Variants in TTLL7 observed in about 807,000 individuals in gnomAD.
The protein encoded by TTLL7 is tubulin polyglutamylase TTLL7.
In TTLL7, 53 loss-of-function variants were observed where a neutral mutation model predicts 120.2. The ratio of observed to expected loss-of-function variants is 0.44; its 90% confidence interval spans 0.35 to 0.55. TTLL7 has a LOEUF of 0.55. Ranked by LOEUF, TTLL7 falls within the 20% of genes least tolerant of loss-of-function variation. The pLI is 0.00. For missense variants in TTLL7, 803 were observed against 1,054.7 expected, an observed-to-expected ratio of 0.76 and a Z score of 3.31; for synonymous variants, 353 against 351.7, an observed-to-expected ratio of 1.00 and a Z score of -0.04.
intron 1 of TTLL7, among the ~76,000 whole-genome samples, chr1:83,961,697 C>A (rs1003930850): frequency 6.6e-6 from 1 of 152,058 alleles, no homozygotes; most frequent in Non-Finnish European, 1.5e-5. Context: ...ATTCATCAAG[C>A]ACTTAAGTAG....
intron 3 of TTLL7, among the ~76,000 whole-genome samples, chr1:83,950,313 A>G (rs1432607879): frequency 6.6e-6 from 1 of 152,192 alleles, no homozygotes; most frequent in Non-Finnish European, 1.5e-5. Flanking sequence ...TACTCAGGAA[A>G]ATGTACTTTT....
intron 13 of TTLL7, among the ~76,000 whole-genome samples, chr1:83,918,559 T>C (rs905002335): frequency 6.6e-6 from 1 of 152,164 alleles, no homozygotes; most frequent in African/African-American, 2.4e-5. Context: ...AATACTCTTA[T>C]TATACATTTT....
intron 13 of TTLL7, among the ~76,000 whole-genome samples, chr1:83,917,892 A>G (rs1353424105): frequency 6.6e-6 from 1 of 152,182 alleles, no homozygotes; most frequent in African/African-American, 2.4e-5. Context: ...TAATTAATAC[A>G]TAGCCAAAAT....
chr1:83,962,781 C>T (rs1650122451), intron 1 of TTLL7, among the ~76,000 whole-genome samples: 1 of 152,094 alleles, frequency 6.6e-6, no homozygotes, highest in Non-Finnish European at 1.5e-5. Context: ...TTCCTTCCAA[C>T]CTGGAATGCA....
Position 83,878,310 on chromosome 1 carries a change from T to C in TTLL7, c.2543+4653A>G, listed in dbSNP as rs531671103. Among the ~76,000 whole-genome samples, 20 of 152,122 alleles carry C rather than the reference T, an allele frequency of 1.3e-4. No homozygotes were observed. In the South Asian group the frequency reaches 3.3e-3, roughly 25 times the overall value. Reference sequence around the variant, plus strand: ...TACTTCTATATATGACAGTTAAGTCTGTTAATTTTGTTGTTAAAAAATTTA... The same window carrying C: ...TACTTCTATATATGACAGTTAAGTCCGTTAATTTTGTTGTTAAAAAATTTA... On this transcript the variant is annotated intron_variant, in intron 20 of 20. Transcript: ENST00000260505.
At chr1:83,990,311 G>A (rs1483931996) in intron 1 of TTLL7, among the ~76,000 whole-genome samples, 1 of 151,992 alleles carries the variant, frequency 6.6e-6, no homozygotes, top group East Asian at 1.9e-4. Flanking sequence ...GAGTAGCTGG[G>A]ACTACAGGCG....
Position 83,929,198 on chromosome 1 carries a change from C to T in TTLL7, c.1080G>A (p.Gln360=), listed in dbSNP as rs1389606570. The change falls in exon 10 of 21, where the codon CAG becomes CAA. Residue 360 remains glutamine, a synonymous_variant. Transcript: ENST00000260505. The part of the protein sequence containing the change: ...INRAPSFGTD[Q]KIDYDVKRGV... ...CCCTTTTTACATCATAGTCTATTTT[C>T]TGATCAGTTCCAAAGCTTGGGGCTC... 1 of 1,612,050 alleles carries T rather than the reference C, an allele frequency of 6.2e-7. No individual in the cohort carries two copies. Among genetic ancestry groups the T allele is most frequent in the South Asian group, 1.1e-5 (1 of 90,916 alleles).
intron 1 of TTLL7, among the ~76,000 whole-genome samples, chr1:83,998,348 G>C (rs1012459505): frequency 1.3e-5 from 2 of 152,116 alleles, no homozygotes; most frequent in Non-Finnish European, 2.9e-5. Context: ...AACCCACCCA[G>C]AATACAAGGC....
In TTLL7 at chr1:83,907,489, G is replaced by T. The variant is rs1451662230; in HGVS notation, c.1959C>A (p.His653Gln). 4 of 1,612,856 alleles carry T rather than the reference G, an allele frequency of 2.5e-6. No homozygotes were observed. Among genetic ancestry groups the T allele is most frequent in the Admixed American group, 3.3e-5 (2 of 59,886 alleles). The change falls in exon 16 of 21, where the codon CAC becomes CAA. Residue 653 changes from histidine (H) to glutamine (Q), a missense_variant. Physicochemically the swap from His to Gln is conservative, Grantham distance 24. Around this residue, in one of 3 missense-constraint regions of TTLL7, gnomAD observed 388 missense variants for 450.4 expected, o/e 0.86. Coordinates refer to ENST00000260505, the MANE Select transcript of TTLL7 (RefSeq NM_024686.6). ...AGTTGGTAGAGCAGGCATCATTACTGTGAGGCAGATGCCTCATGTAGGAGG... is the reference window on the plus strand; with the variant it reads ...AGTTGGTAGAGCAGGCATCATTACTTTGAGGCAGATGCCTCATGTAGGAGG... ...RASSYMRHLP[H>Q]SNDACSTNSQ...
intron 1 of TTLL7, among the ~76,000 whole-genome samples, chr1:83,956,415 G>A (rs554738991): frequency 1.7e-3 from 245 of 147,158 alleles, no homozygotes; most frequent in African/African-American, 5.6e-3. Flanking sequence ...ATGAGCTACT[G>A]CACCTAGCCC....
chr1:83,892,530 AT>A (rs1655697291), intron 18 of TTLL7, among the ~76,000 whole-genome samples: 1 of 145,608 alleles, frequency 6.9e-6, no homozygotes, highest in African/African-American at 2.5e-5. Flanking sequence ...GAACATATAT[AT>A]GAACATATGA....
chr1:83,924,574 G>A (rs1054957979), intron 10 of TTLL7, among the ~76,000 whole-genome samples: 2 of 152,112 alleles, frequency 1.3e-5, no homozygotes. Flanking sequence ...GGGAGAGGGA[G>A]GAATGAGGAA....
chr1:83,958,859 G>T (rs1649768123), intron 1 of TTLL7, among the ~76,000 whole-genome samples: 1 of 152,144 alleles, frequency 6.6e-6, no homozygotes, highest in Non-Finnish European at 1.5e-5. Flanking sequence ...GACTCATTAG[G>T]TCTGAGGTAG....
chr1:83,938,906 T>C (rs1647669837), intron 7 of TTLL7, among the ~76,000 whole-genome samples: 1 of 152,212 alleles, frequency 6.6e-6, no homozygotes, highest in Non-Finnish European at 1.5e-5. Context: ...GATTTGTTAA[T>C]AGCCAACTAT....
At chr1:83,899,108 T>C (rs1254811248) in intron 18 of TTLL7, among the ~76,000 whole-genome samples, 1 of 151,916 alleles carries the variant, frequency 6.6e-6, no homozygotes, top group African/African-American at 2.4e-5. Context: ...AGTAAAGTTT[T>C]AATATAAAGC....
chr1:83,903,405 CCT>C (rs1656897566), intron 18 of TTLL7, among the ~76,000 whole-genome samples: 1 of 151,834 alleles, frequency 6.6e-6, no homozygotes, highest in African/African-American at 2.4e-5. Context: ...TACTACCTTC[CCT>C]CTATTTTTTT....
At chr1:83,919,406 T>C (rs1658458133) in intron 13 of TTLL7, among the ~76,000 whole-genome samples, 1 of 152,080 alleles carries the variant, frequency 6.6e-6, no homozygotes. Context: ...GTTAATTCCA[T>C]GGGTTTCTTT....
intron 18 of TTLL7, among the ~76,000 whole-genome samples, chr1:83,895,026 T>C (rs1238550382): frequency 6.6e-6 from 1 of 152,120 alleles, no homozygotes; most frequent in African/African-American, 2.4e-5. Flanking sequence ...AGTCTTCTCC[T>C]ATCTCTTCAT....
At chr1:83,905,857 C>A (rs1218921553) in intron 17 of TTLL7, among the ~76,000 whole-genome samples, 6 of 151,842 alleles carry the variant, frequency 4.0e-5, no homozygotes, top group African/African-American at 1.4e-4. Context: ...ACACACAGCT[C>A]AGCATAAGTC....
Sources: allele counts gnomAD v4.1 joint callset (sites outside exome capture counted in the v4.1 genomes callset), GRCh38; gene constraint gnomAD v4.1.1; regional missense constraint gnomAD v4.1.1; transcripts MANE v1.5; gene names NCBI Gene and HGNC (gene_info 2026-07-23, HGNC 2026-07-21).